HIPK3: variants seen among roughly 807,000 people sequenced by gnomAD.
The protein encoded by HIPK3 is homeodomain interacting protein kinase 3, also known as homeodomain-interacting protein kinase 3.
HIPK3 carries 47 observed loss-of-function variants against 124.2 expected under a neutral mutation model. The observed-to-expected ratio is 0.38, with a 90% CI of 0.30 to 0.48. The LOEUF (loss-of-function observed/expected upper bound fraction) is 0.48, where lower values mean the gene tolerates loss of function less well. Among genes scored for constraint, HIPK3 ranks in the 20% least tolerant of loss-of-function variants. The pLI is 0.98. For missense variants in HIPK3, 1,286 were observed against 1,454.3 expected (o/e 0.88, Z 1.88); for synonymous variants, 482 against 515.2 (o/e 0.94, Z 0.87).
intron 1 of HIPK3, among the ~76,000 whole-genome samples, chr11:33,279,959 G>A (rs1590351440): frequency 6.6e-6 from 1 of 152,132 alleles, no homozygotes; most frequent in African/African-American, 2.4e-5. Context: ...ACCTCCCAAA[G>A]TTCCCACTTC....
At chr11:33,278,513 T>C (rs1851327698) in intron 1 of HIPK3, among the ~76,000 whole-genome samples, 1 of 152,118 alleles carries the variant, frequency 6.6e-6, no homozygotes, top group South Asian at 2.1e-4. Context: ...ACTTGGTAGT[T>C]GGTCAAGAAG....
intron 14 of HIPK3, among the ~76,000 whole-genome samples, chr11:33,350,583 A>G (rs370647578): frequency 2.6e-5 from 4 of 151,674 alleles, no homozygotes; most frequent in Admixed American, 1.3e-4. Flanking sequence ...CTGAGGCAGG[A>G]GGATTATTTG....
At chr11:33,315,253 A>C (rs1852465443) in intron 2 of HIPK3, among the ~76,000 whole-genome samples, 1 of 151,946 alleles carries the variant, frequency 6.6e-6, no homozygotes, top group African/African-American at 2.4e-5. Context: ...TTTTGATAGA[A>C]TCTTGCTCTG....
intron 8 of HIPK3, 82 bp downstream of exon 8, chr11:33,341,768 T>C: frequency 1.5e-6 from 2 of 1,319,900 alleles, no homozygotes; most frequent in South Asian, 3.0e-5. Flanking sequence ...ATTAAATATA[T>C]TGTATAATTT....
chr11:33,304,497 C>G (rs528374699), intron 2 of HIPK3, among the ~76,000 whole-genome samples: 113 of 151,040 alleles, frequency 7.5e-4, no homozygotes, highest in Middle Eastern at 3.4e-3. Flanking sequence ...GCGGAGGTTG[C>G]GGAGAGCCGA....
intron 2 of HIPK3, among the ~76,000 whole-genome samples, chr11:33,316,444 A>G (rs1466829121): frequency 6.6e-6 from 1 of 152,238 alleles, no homozygotes; most frequent in Non-Finnish European, 1.5e-5. Context: ...GGTATCCTCT[A>G]CACAGCGATA....
intron 2 of HIPK3, among the ~76,000 whole-genome samples, chr11:33,315,717 T>G (rs887394477): frequency 2.6e-5 from 4 of 152,252 alleles, no homozygotes; most frequent in Non-Finnish European, 4.4e-5. Context: ...AAATGCAAAT[T>G]ATTGCTGTAT....
intron 2 of HIPK3, among the ~76,000 whole-genome samples, chr11:33,322,679 A>G (rs1852699728): frequency 6.6e-6 from 1 of 152,142 alleles, no homozygotes; most frequent in Non-Finnish European, 1.5e-5. Flanking sequence ...CACAAAAATT[A>G]GCCTGGCATG....
intron 2 of HIPK3, 60 bp downstream of exon 2, chr11:33,287,571 ATACTTTTGTGTGTGTTTGTGG>A (rs1469988607): frequency 2.0e-6 from 3 of 1,533,304 alleles, no homozygotes; most frequent in African/African-American, 2.8e-5. Context: ...GCTAAATGAA[ATACTTTTGTGTGTGTTTGTGG>A]TAGAAGAGAC....
intron 2 of HIPK3, among the ~76,000 whole-genome samples, chr11:33,295,743 C>T (rs1851827352): frequency 6.6e-6 from 1 of 152,226 alleles, no homozygotes; most frequent in African/African-American, 2.4e-5. Flanking sequence ...AGGAACTTCA[C>T]AGAACTGATG....
chr11:33,328,717 C>CA, intron 3 of HIPK3, 84 bp downstream of exon 3: 1 of 1,214,558 alleles, frequency 8.2e-7, no homozygotes, highest in Non-Finnish European at 1.2e-6. Flanking sequence ...TGCAGGTGTA[C>CA]AATACACTGG....
At chr11:33,282,693 T>A (rs1027230934) in intron 1 of HIPK3, among the ~76,000 whole-genome samples, 3 of 151,420 alleles carry the variant, frequency 2.0e-5, no homozygotes, top group Admixed American at 6.6e-5. Context: ...AAAAAAAAAA[T>A]TATCTGTGAA....
At chr11:33,282,587 G>A (rs1238678417) in intron 1 of HIPK3, among the ~76,000 whole-genome samples, 5 of 152,080 alleles carry the variant, frequency 3.3e-5, no homozygotes, top group African/African-American at 1.2e-4. Flanking sequence ...GGAAGCTGAG[G>A]CAGGAGAATT....
chr11:33,316,506 C>T (rs891581905), intron 2 of HIPK3, among the ~76,000 whole-genome samples: 1 of 152,146 alleles, frequency 6.6e-6, no homozygotes, highest in African/African-American at 2.4e-5. Flanking sequence ...GCAACACATT[C>T]CCACTTCAAA....
At chr11:33,316,743 G>T (rs1274700361) in intron 2 of HIPK3, among the ~76,000 whole-genome samples, 1 of 152,106 alleles carries the variant, frequency 6.6e-6, no homozygotes, top group Non-Finnish European at 1.5e-5. Flanking sequence ...AGGATTGCCA[G>T]ACCCTGGAGG....
At chr11:33,306,438 ATT>A (rs1243539566) in intron 2 of HIPK3, among the ~76,000 whole-genome samples, 1 of 151,494 alleles carries the variant, frequency 6.6e-6, no homozygotes, top group Non-Finnish European at 1.5e-5. Flanking sequence ...GTTTAAATTT[ATT>A]AAAGATTTTA....
At position 33,353,670 on chromosome 11, in the gene HIPK3, A is replaced by C. The variant is rs1023223618; in HGVS notation, c.*102A>C. On this transcript the variant is annotated 3_prime_UTR_variant, in exon 17 of 17. Transcript: ENST00000303296. The stretch of plus-strand genomic sequence containing the variant: ...GGCACAAGAAAATTATTTTTGAATC[A>C]TGTAGACTTGGGTGCAATTTAAACA... 3.6e-6 allele frequency: 3 copies of C among 827,536 alleles called. No homozygotes were observed. In the African/African-American group the frequency reaches 5.1e-5, roughly 14 times the overall value. The allele number at this position is 827,536 out of a possible 1,614,324, so 51.3% of individuals were successfully genotyped here. A position where few individuals can be genotyped will look rare whatever the true frequency, so the allele number is the denominator to read the frequency against.
At chr11:33,256,808 C>T (rs1362830283), upstream of HIPK3, 2 of 537,290 alleles carry the variant, frequency 3.7e-6, no homozygotes, top group Non-Finnish European at 4.8e-6. Flanking sequence ...CTTAAAATTT[C>T]CAAGAGGACC....
rs1230126750 is a variant in HIPK3, at chr11:33,349,344, G to T, written c.2807+57G>T. 3.5e-6 allele frequency: 5 copies of T among 1,409,406 alleles called. No homozygotes were observed. The African/African-American group carries it at 4.3e-5, about 12-fold the overall frequency. 87.3% of individuals were successfully genotyped at this position (1,409,406 alleles called of 1,614,324 possible). On this transcript the variant is annotated intron_variant, in intron 14 of 16. Coordinates refer to ENST00000303296, the MANE Select transcript of HIPK3 (RefSeq NM_005734.5). ...ATAGTAAGTCTACTAAAAAGCCTAC[G>T]ATTTCTTTCTGTTGTTTAATAAGTA...
Sources: allele counts gnomAD v4.1 joint callset (sites outside exome capture counted in the v4.1 genomes callset), GRCh38; gene constraint gnomAD v4.1.1; transcripts MANE v1.5; gene names NCBI Gene and HGNC (gene_info 2026-07-23, HGNC 2026-07-21).